EFCAB5: variants seen among roughly 807,000 people sequenced by gnomAD.
EFCAB5 encodes the protein EF-hand calcium-binding domain-containing protein 5.
In EFCAB5, 131 loss-of-function variants were observed where a neutral mutation model predicts 167.9. That is an observed-to-expected ratio of 0.78 (90% CI 0.68 to 0.90). EFCAB5 has a LOEUF of 0.90. Among genes scored for constraint, EFCAB5 ranks in the 40% least tolerant of loss-of-function variants. The pLI is 0.00. For synonymous variants in EFCAB5, 574 were observed against 602.8 expected, an observed-to-expected ratio of 0.95 and a Z score of 0.70; for missense variants, 1,663 against 1,745.2, an observed-to-expected ratio of 0.95 and a Z score of 0.84.
At chr17:30,067,204 C>T (rs2070595791) in intron 14 of EFCAB5, among the ~76,000 whole-genome samples, 1 of 152,160 alleles carries the variant, frequency 6.6e-6, no homozygotes, top group South Asian at 2.1e-4. Context: ...AAGAACACAA[C>T]AACAACAGAA....
chr17:29,986,880 C>T (rs771023102), intron 4 of EFCAB5, among the ~76,000 whole-genome samples: 29 of 151,842 alleles, frequency 1.9e-4, no homozygotes, highest in South Asian at 8.3e-4. Context: ...ATCTCCTGAC[C>T]TCGTGATCCG....
intron 6 of EFCAB5, among the ~76,000 whole-genome samples, chr17:29,998,025 A>G (rs1013855395): frequency 6.6e-6 from 1 of 151,722 alleles, no homozygotes; most frequent in African/African-American, 2.4e-5. Flanking sequence ...TTTTTTTCCA[A>G]TTGATTATTT....
chr17:30,054,174 TC>T, intron 10 of EFCAB5, 26 bp downstream of exon 10: 1 of 1,492,828 alleles, frequency 6.7e-7, no homozygotes, highest in South Asian at 1.4e-5. Context: ...TTCTACAACA[TC>T]AGTTCCCTGT....
chr17:30,055,131 C>CA lies in EFCAB5; in HGVS notation c.2195-746dup, dbSNP rs778204078. On this transcript the variant is annotated intron_variant, in intron 10 of 22. Coordinates refer to ENST00000394835, the MANE Select transcript of EFCAB5 (RefSeq NM_198529.4). ...TGAGCAACATGGCGAAACGCCATCTCAAAAAAAAAAATTAGCTGGCCATGG... is the reference window on the plus strand; with the variant it reads ...TGAGCAACATGGCGAAACGCCATCTCAAAAAAAAAAAATTAGCTGGCCATGG... 7.2e-3 allele frequency among the ~76,000 whole-genome samples: 1,049 copies of CA among 145,618 alleles called. 14 individuals are homozygous for CA. The highest frequency in any genetic ancestry group is 0.024 in the African/African-American group (944 of 39,784).
chr17:30,066,156 CT>C (rs1274583826), intron 14 of EFCAB5, among the ~76,000 whole-genome samples: 2 of 151,950 alleles, frequency 1.3e-5, no homozygotes, highest in Non-Finnish European at 2.9e-5. Context: ...GAATACACCT[CT>C]TTTTTTTCAG....
chr17:29,947,519 A>G (rs1253746006), intron 3 of EFCAB5, among the ~76,000 whole-genome samples: 2 of 152,214 alleles, frequency 1.3e-5, no homozygotes, highest in Admixed American at 6.5e-5. Context: ...CTTCACCACT[A>G]TACAATTCAT....
intron 4 of EFCAB5, among the ~76,000 whole-genome samples, chr17:29,989,085 C>A (rs1490680443): frequency 2.0e-5 from 3 of 152,150 alleles, no homozygotes; most frequent in African/African-American, 7.2e-5. Flanking sequence ...CAGGTCGTAT[C>A]CAATTAATGT....
chr17:30,025,788 G>T (rs2069303033), intron 7 of EFCAB5, among the ~76,000 whole-genome samples: 2 of 152,140 alleles, frequency 1.3e-5, no homozygotes, highest in African/African-American at 2.4e-5. Context: ...AACAATGATA[G>T]ACTGGATTAA....
chr17:30,043,564 T>A (rs1255602219), intron 8 of EFCAB5, among the ~76,000 whole-genome samples: 1 of 152,218 alleles, frequency 6.6e-6, no homozygotes, highest in African/African-American at 2.4e-5. Context: ...GGAAGTCAAT[T>A]GTATTTCTAC....
chr17:30,092,787 G>A (rs1156233636), intron 21 of EFCAB5, 53 bp from the exon 22 acceptor site: 2 of 1,310,024 alleles, frequency 1.5e-6, no homozygotes, highest in Non-Finnish European at 2.2e-6. Flanking sequence ...ACTGGGCACT[G>A]TATTTCTGCT....
intron 18 of EFCAB5, among the ~76,000 whole-genome samples, chr17:30,085,821 C>T (rs1370730777): frequency 2.0e-5 from 3 of 151,928 alleles, no homozygotes; most frequent in East Asian, 1.9e-4. Context: ...CCAAGGATAA[C>T]GTTGACAACA....
intron 14 of EFCAB5, among the ~76,000 whole-genome samples, chr17:30,062,669 C>T (rs2070456522): frequency 6.6e-6 from 1 of 152,052 alleles, no homozygotes; most frequent in Admixed American, 6.5e-5. Context: ...GTCACGACAC[C>T]CCTTCATCCC....
intron 15 of EFCAB5, among the ~76,000 whole-genome samples, 184 bp from the exon 16 acceptor site, chr17:30,079,886 TCA>T (rs141088912): frequency 6.6e-6 from 1 of 152,304 alleles, no homozygotes; most frequent in East Asian, 1.9e-4. Context: ...CCACTGAAAC[TCA>T]GACTTACAGG....
intron 4 of EFCAB5, among the ~76,000 whole-genome samples, chr17:29,990,405 A>G (rs541426197): frequency 1.3e-5 from 2 of 152,110 alleles, no homozygotes; most frequent in Non-Finnish European, 2.9e-5. Flanking sequence ...CCATTTCCAC[A>G]TATGGCACAA....
intron 7 of EFCAB5, among the ~76,000 whole-genome samples, chr17:30,029,265 T>A (rs144151108): frequency 9.4e-4 from 143 of 152,316 alleles, no homozygotes; most frequent in Middle Eastern, 3.4e-3. Flanking sequence ...AAAAAATGCA[T>A]TTAATTCATC....
intron 22 of EFCAB5, 132 bp downstream of exon 22, chr17:30,093,068 G>A (rs2071231754): frequency 3.5e-6 from 2 of 563,934 alleles, no homozygotes. Context: ...TCTTCTAAGA[G>A]GAGGGACACT....
chr17:30,036,929 T>C (rs563745854), intron 8 of EFCAB5, among the ~76,000 whole-genome samples: 1 of 152,284 alleles, frequency 6.6e-6, no homozygotes, highest in South Asian at 2.1e-4. Context: ...GTGACTAGAA[T>C]TTAAAGGTTG....
intron 22 of EFCAB5, among the ~76,000 whole-genome samples, chr17:30,094,881 T>C (rs1228084747): frequency 1.3e-5 from 2 of 152,138 alleles, no homozygotes; most frequent in Non-Finnish European, 2.9e-5. Flanking sequence ...CTGACTCCAG[T>C]GAGCACTCCC....
At chr17:30,069,283 A>T in intron 14 of EFCAB5, 3 of 1,492,668 alleles carry the variant, frequency 2.0e-6, no homozygotes, top group Non-Finnish European at 2.8e-6. Flanking sequence ...GAACATGGGG[A>T]GATGGCAAAG....
Sources: gnomAD v4.1 joint callset for allele counts (sites outside exome capture counted in the v4.1 genomes callset) on GRCh38, gnomAD v4.1.1 for gene constraint, MANE v1.5 for transcripts, NCBI Gene and HGNC (gene_info 2026-07-23, HGNC 2026-07-21) for gene names.